The following PLEKHD1 variants were observed in gnomAD, a reference collection of about 807,000 sequenced individuals.
PLEKHD1 encodes the protein pleckstrin homology domain-containing family D member 1.
In PLEKHD1, 51 loss-of-function variants were observed where a neutral mutation model predicts 69.2. That is an observed-to-expected ratio of 0.74 (90% CI 0.59 to 0.93). PLEKHD1 has a LOEUF of 0.93. Among genes scored for constraint, PLEKHD1 ranks in the 40% least tolerant of loss-of-function variants. The pLI, the probability that PLEKHD1 is intolerant of heterozygous loss-of-function variation, is 0.00. For missense variants in PLEKHD1, 584 were observed against 641.0 expected (o/e 0.91, Z 0.96); for synonymous variants, 236 against 244.7 (o/e 0.96, Z 0.33).
chr14:69,480,593 G>A (rs544741221), upstream of PLEKHD1, among the ~76,000 whole-genome samples: 64 of 152,130 alleles, frequency 4.2e-4, no homozygotes, highest in Non-Finnish European at 6.8e-4. Flanking sequence ...TTTCTATTAG[G>A]CAATGTTTCC....
chr14:69,478,265 GGA>G, the PLEKHD1 span, among the ~76,000 whole-genome samples: 33 of 152,360 alleles, frequency 2.2e-4, no homozygotes, highest in Middle Eastern at 0.01. Flanking sequence ...GCTGCACACA[GGA>G]GACCCTGGGA....
At chr14:69,491,724 G>T (rs1278513814) in intron 1 of PLEKHD1, among the ~76,000 whole-genome samples, 1 of 152,158 alleles carries the variant, frequency 6.6e-6, no homozygotes, top group African/African-American at 2.4e-5. Context: ...TCAAGCTCTG[G>T]TTGAGCCCTT....
At chr14:69,507,975 G>A (rs957271375) in intron 6 of PLEKHD1, among the ~76,000 whole-genome samples, 3 of 152,162 alleles carry the variant, frequency 2.0e-5, no homozygotes, top group Non-Finnish European at 2.9e-5. Flanking sequence ...GGGATTACAG[G>A]CATAGCCACT....
intron 1 of PLEKHD1, among the ~76,000 whole-genome samples, chr14:69,498,658 C>CTTCTG (rs1455309480): frequency 3.0e-5 from 4 of 135,572 alleles, no homozygotes; most frequent in African/African-American, 1.1e-4. Context: ...CTTCTCTTCT[C>CTTCTG]TTCTTTGAGA....
intron 6 of PLEKHD1, among the ~76,000 whole-genome samples, chr14:69,514,329 AT>A (rs1277945956): frequency 2.0e-5 from 3 of 147,654 alleles, no homozygotes; most frequent in Non-Finnish European, 4.5e-5. Flanking sequence ...AAGCTGAGAG[AT>A]TTTTTTTCCT....
chr14:69,499,010 C>T (rs1316272358), intron 1 of PLEKHD1, among the ~76,000 whole-genome samples: 2 of 152,106 alleles, frequency 1.3e-5, no homozygotes, highest in East Asian at 1.9e-4. Flanking sequence ...GGCGTGCTGG[C>T]AAATGCTTAC....
upstream of PLEKHD1, among the ~76,000 whole-genome samples, chr14:69,481,944 C>T (rs942060750): frequency 2.6e-5 from 4 of 152,132 alleles, no homozygotes; most frequent in African/African-American, 7.2e-5. Flanking sequence ...GATTTCAGCA[C>T]GCCTACCAGC....
At chr14:69,502,147 A>C in intron 5 of PLEKHD1, 1 of 222,394 alleles carries the variant, frequency 4.5e-6, no homozygotes. Flanking sequence ...ATCGAGTTAA[A>C]AATAGTCTCT....
At chr14:69,487,424 C>T (rs747645215) in intron 1 of PLEKHD1, among the ~76,000 whole-genome samples, 7 of 152,240 alleles carry the variant, frequency 4.6e-5, no homozygotes, top group Non-Finnish European at 8.8e-5. Context: ...GGGCCGCCAC[C>T]GCAGAGCCTT....
At position 69,525,956 on chromosome 14, in the gene PLEKHD1, GAGA is replaced by G. The variant is rs1473930705; in HGVS notation, c.765_767del (p.Lys256del). The G allele has an allele frequency of 7.1e-6, 11 of 1,551,190 alleles. No individual in the cohort carries two copies. The East Asian group carries it at 2.4e-4, about 34-fold the overall frequency. On this transcript the variant is annotated inframe_deletion, in exon 9 of 13. Transcript: ENST00000322564. ...CCCTCCATGCCAGGAACTCTCCATAGAGAAGAAGAAAACCCTGGAAATGCTGGA... is the reference window on the plus strand; with the variant it reads ...CCCTCCATGCCAGGAACTCTCCATAGAGAAGAAAACCCTGGAAATGCTGGA...
chr14:69,483,639 C>CA (rs1335090029), upstream of PLEKHD1, among the ~76,000 whole-genome samples: 1 of 152,228 alleles, frequency 6.6e-6, no homozygotes, highest in Non-Finnish European at 1.5e-5. Flanking sequence ...AAACTTGGGG[C>CA]AAATTCATAA....
intron 6 of PLEKHD1, among the ~76,000 whole-genome samples, chr14:69,521,692 C>A (rs1456276197): frequency 1.3e-5 from 2 of 152,166 alleles, no homozygotes; most frequent in African/African-American, 4.8e-5. Context: ...CCTGAAGGGG[C>A]AAGTCTGGTC....
At chr14:69,485,294 T>A (rs990036294) in intron 1 of PLEKHD1, among the ~76,000 whole-genome samples, 180 bp downstream of exon 1, 1 of 152,166 alleles carries the variant, frequency 6.6e-6, no homozygotes, top group Non-Finnish European at 1.5e-5. Flanking sequence ...GCCGGGAGAA[T>A]GGAGATGGGG....
rs574613788 is a variant in PLEKHD1 at position 69,528,348 on chromosome 14, C to T, written c.1450C>T (p.Arg484Trp). Residue 484 changes from arginine to tryptophan, a missense_variant, in exon 13 of 13, where the codon CGG becomes TGG. Physicochemically the swap from Arg to Trp is moderately radical, Grantham distance 101 (BLOSUM62 -3). Transcript: ENST00000322564. The part of the protein sequence containing the change: ...AKRLSRDQRF[R>W]ESIYHIMATQ... ...GCGGCTCAGCAGGGACCAGCGCTTCCGGGAATCCATCTACCACATCATGGC... is the reference window on the plus strand; with the variant it reads ...GCGGCTCAGCAGGGACCAGCGCTTCTGGGAATCCATCTACCACATCATGGC... The T allele has an allele frequency of 3.2e-5, 50 of 1,551,682 alleles. No homozygotes were observed. Among genetic ancestry groups the T allele is most frequent in the Admixed American group, 5.9e-5 (3 of 51,014 alleles).
intron 6 of PLEKHD1, among the ~76,000 whole-genome samples, chr14:69,515,704 C>T (rs751499800): frequency 2.5e-4 from 38 of 152,192 alleles, no homozygotes; most frequent in Non-Finnish European, 4.1e-4. Flanking sequence ...AGAGCATGGG[C>T]GCGGGGAAGT....
chr14:69,522,268 C>G lies in PLEKHD1; in HGVS notation c.556-15C>G, dbSNP rs754361178. Reference sequence around the variant, plus strand: ...TGCTGCCTGTGACTCTTCTCTTCCTCTCTGGTCTCTTCAGGAGCTTGAGCG... The same window carrying G: ...TGCTGCCTGTGACTCTTCTCTTCCTGTCTGGTCTCTTCAGGAGCTTGAGCG... On this transcript the variant is annotated splice_polypyrimidine_tract_variant and intron_variant, in intron 6 of 12. Transcript: ENST00000322564. The G allele has an allele frequency of 6.4e-5, 99 of 1,550,760 alleles. No individual in the cohort carries two copies. The highest frequency in any genetic ancestry group is 8.2e-5 in the Non-Finnish European group (94 of 1,146,476).
intron 6 of PLEKHD1, among the ~76,000 whole-genome samples, chr14:69,509,457 C>A (rs998099905): frequency 6.6e-6 from 1 of 152,068 alleles, no homozygotes; most frequent in African/African-American, 2.4e-5. Context: ...TGATAAAAAT[C>A]TTTTTGTAGA....
At chr14:69,499,507 C>T (rs1325312998) in intron 1 of PLEKHD1, among the ~76,000 whole-genome samples, 1 of 152,178 alleles carries the variant, frequency 6.6e-6, no homozygotes, top group African/African-American at 2.4e-5. Context: ...ACCTCAAGGA[C>T]GTGGCCTCCC....
chr14:69,484,214 C>T (rs1451802403), upstream of PLEKHD1, among the ~76,000 whole-genome samples: 4 of 152,228 alleles, frequency 2.6e-5, no homozygotes, highest in Non-Finnish European at 5.9e-5. Flanking sequence ...CCTACCTGGC[C>T]ACCCGCCTGC....
Sources: allele counts gnomAD v4.1 joint callset (sites outside exome capture counted in the v4.1 genomes callset), GRCh38; gene constraint gnomAD v4.1.1; transcripts MANE v1.5; gene names NCBI Gene and HGNC (gene_info 2026-07-23, HGNC 2026-07-21).